PAX5: variants seen among roughly 807,000 people sequenced by gnomAD.
PAX5 encodes the protein paired box protein Pax-5.
PAX5 carries 9 observed loss-of-function variants against 43.7 expected under a neutral mutation model. The ratio of observed to expected loss-of-function variants is 0.21; its 90% CI spans 0.12 to 0.36. PAX5 has a LOEUF of 0.36. Ranked by LOEUF, PAX5 falls within the 10% of genes least tolerant of loss-of-function variation. The pLI is 1.00. For synonymous variants in PAX5, 228 were observed against 214.3 expected (o/e 1.06, Z -0.56); for missense variants, 383 against 532.7 (o/e 0.72, Z 2.77).
intron 1 of PAX5, among the ~76,000 whole-genome samples, chr9:37,022,754 G>A (rs1588255823): frequency 6.6e-6 from 1 of 152,208 alleles, no homozygotes. Context: ...GTCTCTCAAG[G>A]TGAGAGCAGG....
intron 4 of PAX5, among the ~76,000 whole-genome samples, chr9:37,005,386 A>G (rs1381902723): frequency 6.6e-6 from 1 of 152,238 alleles, no homozygotes; most frequent in Non-Finnish European, 1.5e-5. Context: ...GGGATTACTA[A>G]ATGAGGAATT....
At chr9:36,945,855 C>T (rs1477554490) in intron 6 of PAX5, among the ~76,000 whole-genome samples, 1 of 152,196 alleles carries the variant, frequency 6.6e-6, no homozygotes, top group Non-Finnish European at 1.5e-5. Flanking sequence ...AAAGTCTCCG[C>T]CTCACAGGGC....
intron 7 of PAX5, among the ~76,000 whole-genome samples, chr9:36,899,374 C>T (rs186683419): frequency 5.3e-4 from 80 of 152,350 alleles, no homozygotes; most frequent in African/African-American, 1.9e-3. Context: ...CTATGTCCTG[C>T]TCACTTCTGT....
At chr9:37,014,170 A>G (rs552504681) in intron 3 of PAX5, among the ~76,000 whole-genome samples, 49 of 152,342 alleles carry the variant, frequency 3.2e-4, no homozygotes, top group African/African-American at 1.1e-3. Context: ...ATCATCTACA[A>G]CAGAAAACTT....
At chr9:37,026,102 C>T (rs1480010239) in intron 1 of PAX5, among the ~76,000 whole-genome samples, 1 of 152,260 alleles carries the variant, frequency 6.6e-6, no homozygotes, top group Non-Finnish European at 1.5e-5. Context: ...CACTATCCCT[C>T]CAAGCGCCAG....
intron 7 of PAX5, among the ~76,000 whole-genome samples, chr9:36,922,283 C>T (rs144733190): frequency 4.6e-5 from 7 of 152,304 alleles, no homozygotes; most frequent in African/African-American, 9.6e-5. Flanking sequence ...CTACGAGTCC[C>T]GTGTCACTGT....
At chr9:36,880,010 G>A (rs773176957) in intron 8 of PAX5, among the ~76,000 whole-genome samples, 3 of 152,232 alleles carry the variant, frequency 2.0e-5, no homozygotes, top group African/African-American at 7.2e-5. Context: ...CACGGAGGCC[G>A]TTTCCCATGT....
intron 5 of PAX5, among the ~76,000 whole-genome samples, chr9:36,997,290 C>T (rs1837475268): frequency 6.6e-6 from 1 of 152,216 alleles, no homozygotes; most frequent in South Asian, 2.1e-4. Flanking sequence ...CAAAAAGAAA[C>T]CTCTGGCCCC....
At chr9:36,852,530 C>G (rs147849357) in intron 8 of PAX5, among the ~76,000 whole-genome samples, 3 of 152,182 alleles carry the variant, frequency 2.0e-5, no homozygotes, top group African/African-American at 7.2e-5. Context: ...AGAACGCTGG[C>G]AGTCAAGGAG....
At chr9:36,849,409 C>T (rs991862172) in intron 8 of PAX5, among the ~76,000 whole-genome samples, 10 of 152,226 alleles carry the variant, frequency 6.6e-5, no homozygotes, top group Admixed American at 3.9e-4. Flanking sequence ...GCCTCTTCCA[C>T]TAGGATGTAA....
chr9:37,034,053 G>A lies in PAX5; in HGVS notation c.-22C>T. 1 of 1,430,334 alleles carries A rather than the reference G, an allele frequency of 7.0e-7. No individual in the cohort carries two copies. Among genetic ancestry groups the A allele is most frequent in the Non-Finnish European group, 9.8e-7 (1 of 1,022,354 alleles). 88.6% of individuals were successfully genotyped at this position (1,430,334 alleles called of 1,614,324 possible). ...CCATTTTGATTTTTCAGGACTTGAT[G>A]GAATGGACAGGGAAAAGTTTCCACT... On this transcript the variant is annotated 5_prime_UTR_variant, in exon 1 of 10. Coordinates refer to ENST00000358127, the MANE Select transcript of PAX5 (RefSeq NM_016734.3).
chr9:36,896,476 C>G (rs1454635938), intron 7 of PAX5, among the ~76,000 whole-genome samples: 1 of 152,068 alleles, frequency 6.6e-6, no homozygotes, highest in Non-Finnish European at 1.5e-5. Flanking sequence ...ACAGAGGCAC[C>G]TCCCAGGGTG....
intron 5 of PAX5, among the ~76,000 whole-genome samples, chr9:36,977,797 C>T (rs1384830428): frequency 1.3e-5 from 2 of 152,292 alleles, no homozygotes; most frequent in African/African-American, 4.8e-5. Flanking sequence ...TCCAGCCTTA[C>T]CCTAAGTCTT....
intron 6 of PAX5, among the ~76,000 whole-genome samples, chr9:36,966,088 G>A (rs1053086397): frequency 3.3e-5 from 5 of 152,204 alleles, no homozygotes; most frequent in Non-Finnish European, 5.9e-5. Flanking sequence ...ATGACAAGGC[G>A]ACCTGGTGAG....
intron 8 of PAX5, among the ~76,000 whole-genome samples, chr9:36,863,118 T>G (rs552935224): frequency 6.6e-6 from 1 of 152,174 alleles, no homozygotes; most frequent in Non-Finnish European, 1.5e-5. Flanking sequence ...GGGGAAACTT[T>G]AAGACAAACC....
At chr9:36,922,927 A>G (rs4515644) in intron 7 of PAX5, 75,109 of 169,196 alleles carry the variant, frequency 0.44, 17,204 homozygotes, top group East Asian at 0.63. Context: ...AGCTTACGCC[A>G]CCTACCCTTC....
At chr9:36,956,469 G>C (rs185629244) in intron 6 of PAX5, among the ~76,000 whole-genome samples, 1 of 152,278 alleles carries the variant, frequency 6.6e-6, no homozygotes, top group African/African-American at 2.4e-5. Context: ...GGATGACCCA[G>C]GGCAATCTCC....
At chr9:36,880,129 C>T (rs894311863) in intron 8 of PAX5, among the ~76,000 whole-genome samples, 62 of 152,250 alleles carry the variant, frequency 4.1e-4, no homozygotes. Context: ...AGGCCAGGAT[C>T]GAATGTAGAA....
chr9:36,992,908 C>A (rs1455890578), intron 5 of PAX5, among the ~76,000 whole-genome samples: 1 of 152,184 alleles, frequency 6.6e-6, no homozygotes, highest in Non-Finnish European at 1.5e-5. Flanking sequence ...TCTGTGAGGA[C>A]AAAATTATTT....
Sources: gnomAD v4.1 joint callset for allele counts (sites outside exome capture counted in the v4.1 genomes callset) on GRCh38, gnomAD v4.1.1 for gene constraint, MANE v1.5 for transcripts, NCBI Gene and HGNC (gene_info 2026-07-23, HGNC 2026-07-21) for gene names.